MS4A12: variants seen among roughly 807,000 people sequenced by gnomAD.
The protein encoded by MS4A12 is membrane-spanning 4-domains subfamily A member 12.
A neutral mutation model predicts 23.7 loss-of-function variants in MS4A12; 28 were observed. That is an observed-to-expected ratio of 1.18 (90% CI 0.88 to 1.62). The LOEUF is 1.62. MS4A12 is among the 40% of genes most tolerant of loss of function. The probability of loss-of-function intolerance (pLI) is 0.00; values close to 1 mark genes in which losing one functional copy is unlikely to be tolerated. For missense variants in MS4A12, 342 were observed against 327.0 expected (o/e 1.05, Z -0.35); for synonymous variants, 108 against 110.1 (o/e 0.98, Z 0.12).
At chr11:60,498,879 G>A (rs1017779756) in intron 2 of MS4A12, among the ~76,000 whole-genome samples, 1 of 152,056 alleles carries the variant, frequency 6.6e-6, no homozygotes, top group African/African-American at 2.4e-5. Context: ...TGTCTTTGAG[G>A]TATTTGAAGA....
Position 60,503,830 on chromosome 11 carries a change from T to C in MS4A12, c.588+13T>C. 6.2e-7 allele frequency: 1 copy of C among 1,600,068 alleles called. No individual in the cohort carries two copies. Among genetic ancestry groups the C allele is most frequent in the Non-Finnish European group, 8.6e-7 (1 of 1,168,560 alleles). On this transcript the variant is annotated intron_variant, in intron 5 of 6. Transcript: ENST00000016913. The stretch of plus-strand genomic sequence containing the variant: ...CTACTGGGCCGTGGTAAGTATCCCA[T>C]ACTCCACCATGTGCCTGCTCTATTT...
intron 1 of MS4A12, 123 bp downstream of exon 1, chr11:60,492,951 A>C (rs1042935652): frequency 6.6e-6 from 1 of 152,176 alleles, no homozygotes; most frequent in Admixed American, 6.5e-5. Context: ...TCTTGACTCT[A>C]TGTTGAGGCC....
At chr11:60,503,838 C>T (rs2086549877) in intron 5 of MS4A12, 21 bp downstream of exon 5, 1 of 1,588,188 alleles carries the variant, frequency 6.3e-7, no homozygotes, top group Non-Finnish European at 8.6e-7. Flanking sequence ...CATACTCCAC[C>T]ATGTGCCTGC....
intron 4 of MS4A12, among the ~76,000 whole-genome samples, chr11:60,502,701 G>A (rs1026032860): frequency 4.6e-5 from 7 of 152,196 alleles, no homozygotes; most frequent in Admixed American, 1.3e-4. Context: ...AAGATTATAT[G>A]TAATCCAGTA....
intron 4 of MS4A12, among the ~76,000 whole-genome samples, chr11:60,502,450 T>C (rs2086538289): frequency 6.6e-6 from 1 of 152,244 alleles, no homozygotes; most frequent in Admixed American, 6.5e-5. Flanking sequence ...GTATTTTTAT[T>C]TTTTTATTTG....
chr11:60,506,805 T>C lies in MS4A12; in HGVS notation c.666T>C (p.His222=). ...TCTTCGTAGCTTGTGCCACAGCCCA[T>C]TTTGCCAACCAAGCAAACACCACAA... The part of the protein sequence containing the change: ...LEFFVACATA[H]FANQANTTTN... The change falls in exon 6 of 7, where the codon CAT becomes CAC. Residue 222 remains histidine (H), a synonymous_variant. Coordinates refer to ENST00000016913, the MANE Select transcript of MS4A12 (RefSeq NM_017716.3). The C allele has an allele frequency of 6.2e-7, 1 of 1,614,160 alleles. No individual in the cohort carries two copies. Among genetic ancestry groups the C allele is most frequent in the Non-Finnish European group, 8.5e-7 (1 of 1,180,010 alleles).
Position 60,497,439 on chromosome 11 carries a change from A to T in MS4A12, c.121A>T (p.Asn41Tyr). ...GCCTCTGGGTTCAATCAACTTAGAA[A>T]ACCAAGCTCAGGGTGCTCAGCGTGC... ...QQPLGSINLE[N>Y]QAQGAQRAQP... Residue 41 changes from asparagine to tyrosine, a missense_variant, in exon 2 of 7, where the codon AAC becomes TAC. Coordinates refer to ENST00000016913, the MANE Select transcript of MS4A12 (RefSeq NM_017716.3). The T allele has an allele frequency of 6.2e-7, 1 of 1,614,214 alleles. No individual in the cohort carries two copies. Among genetic ancestry groups the T allele is most frequent in the Non-Finnish European group, 8.5e-7 (1 of 1,180,038 alleles).
chr11:60,497,743 T>C (rs1427412589), intron 2 of MS4A12, 149 bp downstream of exon 2: 1 of 901,746 alleles, frequency 1.1e-6, no homozygotes, highest in African/African-American at 1.7e-5. Context: ...GCCTATAGAC[T>C]TTCCCTTGAG....
At chr11:60,503,552 ACC>A (rs2086546822) in intron 4 of MS4A12, 147 bp from the exon 5 acceptor site, 1 of 631,448 alleles carries the variant, frequency 1.6e-6, no homozygotes, top group East Asian at 2.8e-5. Flanking sequence ...TATGGTAATT[ACC>A]CAGAAGGGCA....
chr11:60,493,711 C>T (rs190029401), intron 1 of MS4A12, among the ~76,000 whole-genome samples: 114 of 152,206 alleles, frequency 7.5e-4, no homozygotes, highest in South Asian at 2.7e-3. Context: ...GAAAATGATT[C>T]GGTTTCATGT....
chr11:60,493,553 T>C (rs1193235666), intron 1 of MS4A12, among the ~76,000 whole-genome samples: 1 of 152,198 alleles, frequency 6.6e-6, no homozygotes, highest in Non-Finnish European at 1.5e-5. Context: ...CCCTTGGCTT[T>C]GTAACACATT....
chr11:60,502,370 A>G (rs1413389782), intron 4 of MS4A12, among the ~76,000 whole-genome samples: 1 of 152,234 alleles, frequency 6.6e-6, no homozygotes, highest in East Asian at 1.9e-4. Flanking sequence ...TCCAGGAGCC[A>G]GGAAATACAT....
chr11:60,501,281 C>A, intron 3 of MS4A12, 99 bp downstream of exon 3: 1 of 1,289,400 alleles, frequency 7.8e-7, no homozygotes, highest in Non-Finnish European at 1.0e-6. Context: ...CAACTCATTT[C>A]TTGATAAAGC....
In MS4A12 at chr11:60,501,047, G is replaced by T. The variant is rs140200568; in HGVS notation, c.279G>T (p.Val93=). The change falls in exon 3 of 7, where the codon GTG becomes GTT. Residue 93 remains valine (V), a splice_region_variant and synonymous_variant. Coordinates refer to ENST00000016913, the MANE Select transcript of MS4A12 (RefSeq NM_017716.3). ...NFKEEAKALG[V]IQIMVGLMHI... The stretch of plus-strand genomic sequence containing the variant: ...AAATGGCTGTTTTCTTTTTTCAGGT[G>T]ATCCAGATCATGGTTGGATTGATGC... 224 of 1,595,330 alleles carry T rather than the reference G, an allele frequency of 1.4e-4. 1 individual carries two copies. In the African/African-American group the frequency reaches 2.6e-3, roughly 18 times the overall value.
At chr11:60,504,563 T>C (rs886975034) in intron 5 of MS4A12, among the ~76,000 whole-genome samples, 1 of 152,210 alleles carries the variant, frequency 6.6e-6, no homozygotes, top group African/African-American at 2.4e-5. Flanking sequence ...CTTTTGCTTT[T>C]CAGTTTACAA....
chr11:60,505,868 A>C (rs1397671336), intron 5 of MS4A12, among the ~76,000 whole-genome samples: 1 of 152,192 alleles, frequency 6.6e-6, no homozygotes, highest in East Asian at 1.9e-4. Flanking sequence ...ATGAGCAGAA[A>C]TGCACAGGAA....
Sources: allele counts gnomAD v4.1 joint callset (sites outside exome capture counted in the v4.1 genomes callset), GRCh38; gene constraint gnomAD v4.1.1; transcripts MANE v1.5; gene names NCBI Gene and HGNC (gene_info 2026-07-23, HGNC 2026-07-21).